The following STK4 variants were observed in gnomAD, a reference collection of about 807,000 sequenced individuals.
The protein encoded by STK4 is serine/threonine kinase 4.
STK4 carries 30 observed loss-of-function variants against 64.9 expected under a neutral mutation model. The ratio of observed to expected loss-of-function variants is 0.46; its 90% confidence interval spans 0.35 to 0.63. The LOEUF (loss-of-function observed/expected upper bound fraction) is 0.63, where lower values mean the gene tolerates loss of function less well. Ranked by LOEUF, STK4 falls within the 20% of genes least tolerant of loss-of-function variation. STK4 has a pLI of 0.01. For missense variants in STK4, 466 were observed against 598.5 expected (o/e 0.78, Z 2.31); for synonymous variants, 177 against 199.0 (o/e 0.89, Z 0.93).
chr20:44,987,069 T>C, intron 4 of STK4, 63 bp from the exon 5 acceptor site: 1 of 1,375,394 alleles, frequency 7.3e-7, no homozygotes, highest in South Asian at 1.4e-5. Context: ...ATCTGATTTT[T>C]TCTCCTTTTT....
At chr20:45,073,785 G>A (rs572016781) in intron 10 of STK4, among the ~76,000 whole-genome samples, 9 of 152,306 alleles carry the variant, frequency 5.9e-5, no homozygotes, top group Non-Finnish European at 1.3e-4. Context: ...TTGAACACTG[G>A]TGTATCCCTG....
intron 2 of STK4, among the ~76,000 whole-genome samples, chr20:44,977,339 T>A (rs6065770): frequency 3.9e-5 from 6 of 152,170 alleles, no homozygotes; most frequent in Admixed American, 3.9e-4. Context: ...TATTTGGCAG[T>A]TAGAGTATTG....
rs542812028 is a variant in STK4, at chr20:45,056,282, A to C, written c.1306-18736A>C. Among the ~76,000 whole-genome samples, 411 of 152,324 alleles carry C rather than the reference A, an allele frequency of 2.7e-3. 9 individuals are homozygous for C. The South Asian group carries it at 0.045, about 17-fold the overall frequency. ...TTCTAATATCCCATCAAGTTCCCTT[A>C]TGCCCTGTTTTTTGTCCCTAAAGTT... On this transcript the variant is annotated intron_variant, in intron 10 of 10. Coordinates refer to ENST00000372806, the MANE Select transcript of STK4 (RefSeq NM_006282.5).
intron 9 of STK4, among the ~76,000 whole-genome samples, chr20:45,004,791 C>CG (rs2067907384): frequency 7.1e-6 from 1 of 140,296 alleles, no homozygotes; most frequent in African/African-American, 2.7e-5. Context: ...TTTTTTGAGA[C>CG]GGAGTCTTGC....
intron 10 of STK4, among the ~76,000 whole-genome samples, chr20:45,047,594 A>G (rs1001984061): frequency 2.0e-5 from 3 of 152,198 alleles, no homozygotes; most frequent in African/African-American, 7.2e-5. Context: ...GTGTATAGGA[A>G]TATGTTAATT....
At chr20:44,977,848 G>A (rs1342727746) in intron 2 of STK4, among the ~76,000 whole-genome samples, 1 of 152,190 alleles carries the variant, frequency 6.6e-6, no homozygotes, top group East Asian at 1.9e-4. Context: ...AATATTTTAA[G>A]TATTATTGTA....
In STK4 at chr20:45,006,233, T is replaced by C. The variant is rs1055506805; in HGVS notation, c.1147+4880T>C. Among the ~76,000 whole-genome samples, 3 of 150,256 alleles carry C rather than the reference T, an allele frequency of 2.0e-5. No homozygotes were observed. In the Admixed American group the frequency reaches 2.0e-4, roughly 10 times the overall value. ...TTTTTCTCCTTTTTTATTTTATTTT[T>C]GTTTCATTTTGTTTCGGATGTATTT... On this transcript the variant is annotated intron_variant, in intron 9 of 10. Coordinates refer to ENST00000372806, the MANE Select transcript of STK4 (RefSeq NM_006282.5).
At chr20:44,968,931 C>T (rs2067200043) in intron 1 of STK4, among the ~76,000 whole-genome samples, 1 of 152,154 alleles carries the variant, frequency 6.6e-6, no homozygotes, top group African/African-American at 2.4e-5. Flanking sequence ...TTTATTCTCT[C>T]ACTGTTCTGA....
chr20:44,988,169 T>G (rs1601208279), intron 5 of STK4, among the ~76,000 whole-genome samples: 1 of 151,956 alleles, frequency 6.6e-6, no homozygotes, highest in African/African-American at 2.4e-5. Context: ...TAAACCACAG[T>G]CTTAGTCAGG....
chr20:45,005,647 C>CAAAAAAA (rs1214893882), intron 9 of STK4, among the ~76,000 whole-genome samples: 3 of 65,684 alleles, frequency 4.6e-5, no homozygotes, highest in Non-Finnish European at 6.2e-5. Flanking sequence ...GACTCTGTCT[C>CAAAAAAA]AAAAAAAAAA....
chr20:45,062,172 G>A (rs1215267108), intron 10 of STK4, among the ~76,000 whole-genome samples: 1 of 152,094 alleles, frequency 6.6e-6, no homozygotes, highest in African/African-American at 2.4e-5. Flanking sequence ...GAGCCACCGT[G>A]CCTGGCCTCA....
intron 9 of STK4, 50 bp from the exon 10 acceptor site, chr20:45,024,923 C>A (rs1427029669): frequency 5.5e-6 from 8 of 1,466,958 alleles, no homozygotes; most frequent in Non-Finnish European, 7.2e-6. Flanking sequence ...ATTAAACTTA[C>A]CTAAAATTTA....
intron 9 of STK4, among the ~76,000 whole-genome samples, chr20:45,007,474 G>C (rs908766219): frequency 1.3e-5 from 2 of 152,128 alleles, no homozygotes; most frequent in African/African-American, 4.8e-5. Context: ...TTGAACCCAG[G>C]AGGTGGAGGT....
At chr20:45,012,183 G>A (rs1054116709) in intron 9 of STK4, among the ~76,000 whole-genome samples, 3 of 151,694 alleles carry the variant, frequency 2.0e-5, no homozygotes, top group Admixed American at 1.3e-4. Flanking sequence ...CTACAGGCAC[G>A]CACCACCACA....
intron 2 of STK4, chr20:44,975,366 A>T: frequency 1.0e-6 from 1 of 984,698 alleles, no homozygotes; most frequent in South Asian, 4.7e-5. Flanking sequence ...TCTTAACTTC[A>T]TGTGAGCTAT....
intron 10 of STK4, among the ~76,000 whole-genome samples, chr20:45,035,693 A>T (rs1047809816): frequency 2.0e-5 from 3 of 152,160 alleles, no homozygotes; most frequent in Non-Finnish European, 4.4e-5. Context: ...TATTCATAAC[A>T]CCTAGCAATT....
intron 10 of STK4, among the ~76,000 whole-genome samples, chr20:45,055,729 T>C (rs73113447): frequency 5.8e-5 from 5 of 85,620 alleles, no homozygotes; most frequent in Non-Finnish European, 1.2e-4. Flanking sequence ...TTCTTTCTTT[T>C]TTTTTTGTTT....
chr20:44,982,418 A>AC (rs1475638695), intron 4 of STK4, among the ~76,000 whole-genome samples: 5 of 149,098 alleles, frequency 3.4e-5, no homozygotes, highest in African/African-American at 5.0e-5. Flanking sequence ...TACAAGTATG[A>AC]CCCCCCCATG....
intron 5 of STK4, among the ~76,000 whole-genome samples, chr20:44,988,533 G>GTGTGTGTGTATATATATA (rs1221720136): frequency 4.3e-4 from 44 of 101,576 alleles, no homozygotes; most frequent in African/African-American, 2.0e-3. Context: ...ATGTGTGTGT[G>GTGTGTGTGTATATATATA]TATATATATA....
Sources: allele counts gnomAD v4.1 joint callset (sites outside exome capture counted in the v4.1 genomes callset), GRCh38; gene constraint gnomAD v4.1.1; transcripts MANE v1.5; gene names NCBI Gene and HGNC (gene_info 2026-07-23, HGNC 2026-07-21).